The following PRKN variants were observed in gnomAD, a reference collection of about 807,000 sequenced individuals.
PRKN encodes parkin RBR E3 ubiquitin protein ligase.
PRKN carries 56 observed loss-of-function variants against 59.5 expected under a neutral mutation model. The ratio of observed to expected loss-of-function variants is 0.94; its 90% CI spans 0.76 to 1.18. PRKN has a LOEUF of 1.18. Ranked by LOEUF, PRKN falls within the 50% of genes most tolerant of loss-of-function variation. PRKN has a pLI of 0.00. For synonymous variants in PRKN, 250 were observed against 222.1 expected (o/e 1.13, Z -1.12); for missense variants, 657 against 596.4 (o/e 1.10, Z -1.06).
chr6:161,516,713 G>T (rs1778614452), intron 9 of PRKN, among the ~76,000 whole-genome samples: 1 of 149,160 alleles, frequency 6.7e-6, no homozygotes, highest in Non-Finnish European at 1.5e-5. Flanking sequence ...TATAATCCTA[G>T]CTATTCAGGA....
chr6:162,518,656 AAT>A (rs1265759341), intron 1 of PRKN, among the ~76,000 whole-genome samples: 28 of 152,190 alleles, frequency 1.8e-4, no homozygotes, highest in African/African-American at 6.8e-4. Flanking sequence ...AGGGAGCCAC[AAT>A]ACCCGGCCAG....
At chr6:162,341,494 C>G (rs1331026113) in intron 2 of PRKN, among the ~76,000 whole-genome samples, 1 of 152,138 alleles carries the variant, frequency 6.6e-6, no homozygotes, top group Non-Finnish European at 1.5e-5. Context: ...ATAGCAAAGA[C>G]TTGGAACAAA....
chr6:161,941,886 G>C (rs904883471), intron 6 of PRKN, among the ~76,000 whole-genome samples: 1 of 152,138 alleles, frequency 6.6e-6, no homozygotes, highest in Admixed American at 6.6e-5. Flanking sequence ...TGTGAAAAAA[G>C]GGTGAGTGTA....
rs1450615568 is a variant in PRKN at position 161,388,492 on chromosome 6, G to A, written c.1084-1615C>T. 6.6e-6 allele frequency among the ~76,000 whole-genome samples: 1 copy of A among 152,214 alleles called. No individual in the cohort carries two copies. The highest frequency in any genetic ancestry group is 1.5e-5 in the Non-Finnish European group (1 of 68,040). On this transcript the variant is annotated intron_variant, in intron 9 of 11. Transcript: ENST00000366898. The surrounding 1 kb of genome is among the most constrained non-coding windows in gnomAD (Gnocchi z 4.3). ...ATTCAGAGAAGGCATTTCAGCAGAG[G>A]AGAGAGTGCCATCCACAAGTATGGT...
intron 9 of PRKN, among the ~76,000 whole-genome samples, chr6:161,479,279 C>T (rs1018324654): frequency 1.2e-4 from 18 of 152,068 alleles, no homozygotes; most frequent in African/African-American, 3.4e-4. Flanking sequence ...ACACTATCTA[C>T]GCATTCACAT....
At chr6:162,014,917 C>T (rs1782878244) in intron 5 of PRKN, among the ~76,000 whole-genome samples, 1 of 151,924 alleles carries the variant, frequency 6.6e-6, no homozygotes, top group Non-Finnish European at 1.5e-5. Context: ...AATGGTTGTA[C>T]TCTCCCGGTT....
At chr6:162,571,576 G>A (rs925550242) in intron 1 of PRKN, among the ~76,000 whole-genome samples, 2 of 152,090 alleles carry the variant, frequency 1.3e-5, no homozygotes, top group East Asian at 1.9e-4. Flanking sequence ...ACTCTAGTAT[G>A]GAGGACTGGG....
intron 1 of PRKN, among the ~76,000 whole-genome samples, chr6:162,543,915 C>A (rs1026871984): frequency 6.6e-6 from 1 of 152,174 alleles, no homozygotes; most frequent in Admixed American, 6.5e-5. Context: ...CCTGGACCCT[C>A]TGAAAGGTTT....
chr6:161,960,220 C>G (rs1780330737), intron 6 of PRKN, among the ~76,000 whole-genome samples: 1 of 152,172 alleles, frequency 6.6e-6, no homozygotes, highest in Non-Finnish European at 1.5e-5. Flanking sequence ...ACTGCAAGAA[C>G]AAGAAGATGC....
At chr6:161,716,394 A>G (rs1262080178) in intron 7 of PRKN, among the ~76,000 whole-genome samples, 1 of 152,076 alleles carries the variant, frequency 6.6e-6, no homozygotes, top group African/African-American at 2.4e-5. Flanking sequence ...ATGTATAGAA[A>G]TCTGTTTTCC....
In PRKN at chr6:162,658,431, G is replaced by A. The variant is rs1270857526; in HGVS notation, c.7+69231C>T. Among the ~76,000 whole-genome samples the A allele has an allele frequency of 5.9e-5, 9 of 152,120 alleles. No homozygotes were observed. The South Asian group carries it at 1.4e-3, about 25-fold the overall frequency. On this transcript the variant is annotated intron_variant, in intron 1 of 11. Coordinates refer to ENST00000366898, the MANE Select transcript of PRKN (RefSeq NM_004562.3). ...CACGCCAGCACTTTGGGAGACCGAC[G>A]CGGGCAGATCACCTGAGGTAAGGAG...
At chr6:162,224,889 A>G (rs1174940703) in intron 3 of PRKN, among the ~76,000 whole-genome samples, 1 of 152,186 alleles carries the variant, frequency 6.6e-6, no homozygotes, top group African/African-American at 2.4e-5. Flanking sequence ...ATCAAATTTT[A>G]TAAAAAACCA....
At chr6:161,788,129 T>A (rs1292454167) in intron 6 of PRKN, among the ~76,000 whole-genome samples, 2 of 152,236 alleles carry the variant, frequency 1.3e-5, no homozygotes, top group Non-Finnish European at 2.9e-5. Flanking sequence ...CTCTCTCACA[T>A]GGATGGACAA....
chr6:162,042,126 T>C (rs1413381761), intron 5 of PRKN, among the ~76,000 whole-genome samples: 2 of 152,048 alleles, frequency 1.3e-5, no homozygotes, highest in Non-Finnish European at 2.9e-5. Flanking sequence ...TATTTGCTTT[T>C]ATTTGAATGA....
intron 2 of PRKN, among the ~76,000 whole-genome samples, chr6:162,374,390 GTTTTT>G (rs35660808): frequency 6.9e-6 from 1 of 144,446 alleles, no homozygotes; most frequent in Non-Finnish European, 1.5e-5. Context: ...GTCTGCTATA[GTTTTT>G]TTTTTTTTTT....
At chr6:161,615,463 A>T (rs2128148450) in intron 7 of PRKN, among the ~76,000 whole-genome samples, 2 of 152,386 alleles carry the variant, frequency 1.3e-5, no homozygotes, top group Middle Eastern at 6.8e-3. Flanking sequence ...ACTCAGCTCC[A>T]AATTTTAGCT....
rs2115180178 is a variant in PRKN at position 161,466,580 on chromosome 6, A to G, written c.1084-79703T>C. ...ATGTTAGGATGAAGGTACAGTTTGC[A>G]TATTAAAAGATAAGCCAGTACATCT... is the stretch of plus-strand genomic sequence containing the variant. On this transcript the variant is annotated intron_variant, in intron 9 of 11. Transcript: ENST00000366898. The surrounding 1 kb of genome is among the most constrained non-coding windows in gnomAD (Gnocchi z 5.0). 6.6e-6 allele frequency among the ~76,000 whole-genome samples: 1 copy of G among 152,342 alleles called. No homozygotes were observed. The highest frequency in any genetic ancestry group is 1.9e-4 in the East Asian group (1 of 5,172).
intron 1 of PRKN, among the ~76,000 whole-genome samples, chr6:162,686,809 A>G (rs1307440480): frequency 1.3e-5 from 2 of 152,152 alleles, no homozygotes; most frequent in East Asian, 3.9e-4. Context: ...TTTTTCAAAG[A>G]TCAGCTGGCA....
chr6:161,734,001 C>T (rs866004099), intron 7 of PRKN, among the ~76,000 whole-genome samples: 1 of 84,084 alleles, frequency 1.2e-5, no homozygotes, highest in Non-Finnish European at 2.2e-5. Context: ...CACACACACA[C>T]ACACATATTT....
Sources: allele counts gnomAD v4.1 joint callset (sites outside exome capture counted in the v4.1 genomes callset), GRCh38; gene constraint gnomAD v4.1.1; non-coding constraint Gnocchi (gnomAD v3.1); transcripts MANE v1.5; gene names NCBI Gene and HGNC (gene_info 2026-07-23, HGNC 2026-07-21).